BRD7: variants seen among roughly 807,000 people sequenced by gnomAD.
BRD7 encodes bromodomain containing 7.
BRD7 carries 15 observed loss-of-function variants against 82.1 expected under a neutral mutation model. The ratio of observed to expected loss-of-function variants is 0.18; its 90% CI spans 0.12 to 0.28. BRD7 has a LOEUF of 0.28. Among genes scored for constraint, BRD7 ranks in the 10% least tolerant of loss-of-function variants. The pLI is 1.00. For synonymous variants in BRD7, 232 were observed against 266.9 expected, an observed-to-expected ratio of 0.87 and a Z score of 1.27; for missense variants, 638 against 779.9, an observed-to-expected ratio of 0.82 and a Z score of 2.17.
intron 9 of BRD7, 47 bp from the exon 10 acceptor site, chr16:50,326,438 A>T: frequency 7.4e-7 from 1 of 1,350,482 alleles, no homozygotes; most frequent in Non-Finnish European, 1.0e-6. Flanking sequence ...CATGGCCATG[A>T]CCCACGGGGC....
At chr16:50,356,499 GTCT>G (rs2038737333) in intron 2 of BRD7, among the ~76,000 whole-genome samples, 3 of 152,268 alleles carry the variant, frequency 2.0e-5, no homozygotes, top group Admixed American at 2.0e-4. Flanking sequence ...CAGAAACAAT[GTCT>G]GAAGAAAAGT....
intron 11 of BRD7, 107 bp from the exon 12 acceptor site, chr16:50,323,805 A>G (rs971651021): frequency 5.2e-5 from 38 of 725,608 alleles, no homozygotes; most frequent in Non-Finnish European, 7.4e-5. Flanking sequence ...ACATCATGAC[A>G]TCAAATTTCT....
At position 50,368,812 on chromosome 16, in the gene BRD7, C is replaced by A. The variant is rs1440396574; in HGVS notation, c.-38G>T. ...CCCGGTGCCCGCCCCCCGCGCCAGG[C>A]CCAGGCCGTGCGGCGCCGCTTCCGG... On this transcript the variant is annotated 5_prime_UTR_variant, in exon 1 of 17. Transcript: ENST00000394688. 22 of 1,467,022 alleles carry A rather than the reference C, an allele frequency of 1.5e-5. No individual in the cohort carries two copies. The highest frequency in any genetic ancestry group is 2.0e-5 in the Non-Finnish European group (22 of 1,101,674). The allele number at this position is 1,467,022 out of a possible 1,614,324, so 90.9% of individuals were successfully genotyped here.
chr16:50,337,972 G>T (rs778003566), intron 6 of BRD7, among the ~76,000 whole-genome samples: 1 of 152,092 alleles, frequency 6.6e-6, no homozygotes, highest in African/African-American at 2.4e-5. Flanking sequence ...CATTCCACAC[G>T]CCAGTAAAAT....
chr16:50,364,297 G>C (rs1288508072), intron 2 of BRD7, among the ~76,000 whole-genome samples: 1 of 152,156 alleles, frequency 6.6e-6, no homozygotes, highest in Non-Finnish European at 1.5e-5. Flanking sequence ...CCCAAGAAGA[G>C]ATCACATCAA....
intron 16 of BRD7, among the ~76,000 whole-genome samples, 172 bp from the exon 17 acceptor site, chr16:50,319,438 A>G (rs888860536): frequency 6.6e-6 from 1 of 152,240 alleles, no homozygotes; most frequent in African/African-American, 2.4e-5. Flanking sequence ...TCTTCTGCAC[A>G]CAGGAAATCT....
intron 2 of BRD7, among the ~76,000 whole-genome samples, chr16:50,355,877 A>C (rs187657028): frequency 4.6e-5 from 7 of 152,238 alleles, no homozygotes; most frequent in Admixed American, 4.6e-4. Flanking sequence ...TCCATGAACC[A>C]AGTTAAAAAT....
chr16:50,327,000 A>T (rs186608201), intron 9 of BRD7, among the ~76,000 whole-genome samples: 113 of 152,348 alleles, frequency 7.4e-4, no homozygotes, highest in African/African-American at 2.6e-3. Flanking sequence ...GCTCTCCTGA[A>T]GAAGAGTCTG....
At chr16:50,343,821 A>T (rs116822958) in intron 5 of BRD7, among the ~76,000 whole-genome samples, 2,411 of 152,250 alleles carry the variant, frequency 0.016, 56 homozygotes, top group African/African-American at 0.054. Flanking sequence ...AACTGGGTGG[A>T]GCCTACCTCT....
intron 5 of BRD7, among the ~76,000 whole-genome samples, chr16:50,343,998 T>C (rs1371566912): frequency 6.6e-6 from 1 of 152,180 alleles, no homozygotes; most frequent in Non-Finnish European, 1.5e-5. Flanking sequence ...GTAGCCTAAC[T>C]GGGAGGCACC....
Position 50,368,055 on chromosome 16 carries a change from C to G in BRD7, c.258+35G>C, listed in dbSNP as rs2039215648. On this transcript the variant is annotated intron_variant, in intron 2 of 16. Transcript: ENST00000394688. ...GGTTGGCACCTGGAAGAGGCAGTGC[C>G]GTCCGCAAAGCCAAAGCAATGTAAC... is the stretch of plus-strand genomic sequence containing the variant. 4.4e-6 allele frequency: 7 copies of G among 1,604,382 alleles called. 1 individual carries two copies. The South Asian group carries it at 6.6e-5, about 15-fold the overall frequency.
rs564853511 is a variant in BRD7 at position 50,328,452 on chromosome 16, T to G, written c.1087+217A>C. On this transcript the variant is annotated intron_variant, in intron 9 of 16. Coordinates refer to ENST00000394688, the MANE Select transcript of BRD7 (RefSeq NM_013263.5). ...CGGGTTTAAAATATTTCAGGGACTT[T>G]GAATTTTAAGGAAAACTTGATATAC... is the stretch of plus-strand genomic sequence containing the variant. Among the ~76,000 whole-genome samples the G allele has an allele frequency of 5.3e-5, 8 of 152,378 alleles. No individual in the cohort carries two copies. In the East Asian group the frequency reaches 1.5e-3, roughly 29 times the overall value.
intron 2 of BRD7, among the ~76,000 whole-genome samples, chr16:50,364,425 T>G (rs2039058235): frequency 6.6e-6 from 1 of 152,092 alleles, no homozygotes; most frequent in African/African-American, 2.4e-5. Flanking sequence ...TGGTCTAGCC[T>G]GGAAAAAAAG....
chr16:50,354,048 A>G (rs368958363), intron 4 of BRD7, among the ~76,000 whole-genome samples: 12 of 152,292 alleles, frequency 7.9e-5, no homozygotes, highest in African/African-American at 2.6e-4. Flanking sequence ...TTTTTCTCCC[A>G]TACTTAATAA....
chr16:50,328,533 G>A (rs1278818173), intron 9 of BRD7, 136 bp downstream of exon 9: 3 of 620,004 alleles, frequency 4.8e-6, no homozygotes, highest in African/African-American at 3.8e-5. Flanking sequence ...TGAAATACAT[G>A]ATGTCTAGCT....
At chr16:50,339,894 G>GTATT (rs1163424883) in intron 6 of BRD7, 82 bp downstream of exon 6, 1 of 714,694 alleles carries the variant, frequency 1.4e-6, no homozygotes, top group Non-Finnish European at 2.3e-6. Flanking sequence ...AATCAATACT[G>GTATT]TATTGTATCT....
rs1381874460 is a variant in BRD7, at chr16:50,334,604, C to T, written c.887+107G>A. The T allele has an allele frequency of 3.2e-5, 43 of 1,328,950 alleles. 3 individuals carry two copies. The highest frequency in any genetic ancestry group is 2.6e-4 in the Middle Eastern group (1 of 3,798). 82.3% of individuals were successfully genotyped at this position (1,328,950 alleles called of 1,614,324 possible). ...TTTCATGCCAAAACACCACCACCAC[C>T]GACACACTAGCACTTGGTCTTCCCA... On this transcript the variant is annotated intron_variant, in intron 7 of 16. Transcript: ENST00000394688.
In BRD7 at chr16:50,320,664, T is replaced by C; in HGVS notation, c.1611A>G (p.Glu537=). The change falls in exon 14 of 17, where the codon GAA becomes GAG. Residue 537 remains glutamate (E), a splice_region_variant and synonymous_variant. Coordinates refer to ENST00000394688, the MANE Select transcript of BRD7 (RefSeq NM_013263.5). The stretch of plus-strand genomic sequence containing the variant: ...ATCAAACCCTCTGGAGACACTTACC[T>C]TCAGAGTCAAAAACTTCAACTGGAA... ...FGVPVEVFDS[E]EAEIFQKKLD... 3 of 1,611,870 alleles carry C rather than the reference T, an allele frequency of 1.9e-6. No homozygotes were observed. The highest frequency in any genetic ancestry group is 2.5e-6 in the Non-Finnish European group (3 of 1,178,108).
chr16:50,368,760 G>C lies in BRD7; in HGVS notation c.15C>G (p.His5Gln). The C allele has an allele frequency of 1.3e-6, 2 of 1,550,956 alleles. No homozygotes were observed. The highest frequency in any genetic ancestry group is 1.7e-6 in the Non-Finnish European group (2 of 1,150,178). Residue 5 changes from histidine to glutamine, a missense_variant, in exon 1 of 17, where the codon CAC (histidine) becomes CAG (glutamine). Transcript: ENST00000394688. ...GGTGTTTGTCCGACTTGTGCTTCTT[G>C]TGCTTCTTGCCCATGTCCGACCGGG... The part of the protein sequence containing the change: MGKK[H>Q]KKHKSDKHLY...
Sources: gnomAD v4.1 joint callset for allele counts (sites outside exome capture counted in the v4.1 genomes callset) on GRCh38, gnomAD v4.1.1 for gene constraint, MANE v1.5 for transcripts, NCBI Gene and HGNC (gene_info 2026-07-23, HGNC 2026-07-21) for gene names.